Variants in VPS13B observed in about 807,000 individuals in gnomAD.
The protein encoded by VPS13B is vacuolar protein sorting 13 homolog B.
A neutral mutation model predicts 426.4 loss-of-function variants in VPS13B; 285 were observed. The observed-to-expected ratio is 0.67, with a 90% CI of 0.61 to 0.74. The LOEUF is 0.74. Ranked by LOEUF, VPS13B falls within the 30% of genes least tolerant of loss-of-function variation. The pLI is 0.00. For missense variants in VPS13B, 4,537 were observed against 4,782.6 expected, an observed-to-expected ratio of 0.95 and a Z score of 1.51; for synonymous variants, 1,676 against 1,676.4, an observed-to-expected ratio of 1.00 and a Z score of 0.01.
intron 16 of VPS13B, among the ~76,000 whole-genome samples, chr8:99,171,579 C>A (rs1812335264): frequency 6.6e-6 from 1 of 151,848 alleles, no homozygotes; most frequent in Non-Finnish European, 1.5e-5. Flanking sequence ...TGAATACTGT[C>A]AAATGTTACT....
Position 99,501,859 on chromosome 8 carries a change from G to A in VPS13B, c.4042+1G>A. ...CCAGATCCTGAAAATAAAGGCACAG[G>A]TACAGGATTCCTTTTCTTTCTTCCC... On this transcript the variant is annotated splice_donor_variant, in intron 26 of 61. Coordinates refer to ENST00000357162, the MANE Select transcript of VPS13B (RefSeq NM_152564.5). LOFTEE classifies it high-confidence loss of function. 1 of 1,612,612 alleles carries A rather than the reference G, an allele frequency of 6.2e-7. No individual in the cohort carries two copies. The highest frequency in any genetic ancestry group is 8.5e-7 in the Non-Finnish European group (1 of 1,179,700).
At chr8:99,605,072 T>G (rs920000901) in intron 33 of VPS13B, among the ~76,000 whole-genome samples, 2 of 152,244 alleles carry the variant, frequency 1.3e-5, no homozygotes, top group Non-Finnish European at 1.5e-5. Context: ...AGCTTTAGTC[T>G]TTTCATTTGC....
intron 22 of VPS13B, among the ~76,000 whole-genome samples, chr8:99,439,776 G>A (rs1361613112): frequency 6.6e-6 from 1 of 151,924 alleles, no homozygotes; most frequent in Non-Finnish European, 1.5e-5. Context: ...CAGATTAATG[G>A]GTAAATAAAA....
At chr8:99,484,061 A>G (rs1319095995) in intron 25 of VPS13B, among the ~76,000 whole-genome samples, 2 of 152,164 alleles carry the variant, frequency 1.3e-5, no homozygotes, top group African/African-American at 4.8e-5. Flanking sequence ...ATTTGAGATG[A>G]TGGATATTTA....
chr8:99,871,437 C>CT lies in VPS13B; in HGVS notation c.11496-7dup, dbSNP rs1451672589. The CT allele has an allele frequency of 6.8e-6, 11 of 1,613,990 alleles. No homozygotes were observed. The highest frequency in any genetic ancestry group is 1.3e-5 in the African/African-American group (1 of 74,892). ...GCTGGCCCCTGGCCTCACTTTTCTC[C>CT]TTTTAAACAGGAAAATGCTTCAGTC... On this transcript the variant is annotated splice_polypyrimidine_tract_variant and intron_variant, in intron 60 of 61. Coordinates refer to ENST00000357162, the MANE Select transcript of VPS13B (RefSeq NM_152564.5).
At chr8:99,872,844 A>C (rs1372913951) in intron 61 of VPS13B, among the ~76,000 whole-genome samples, 1 of 152,162 alleles carries the variant, frequency 6.6e-6, no homozygotes, top group Non-Finnish European at 1.5e-5. Context: ...TGTTTGGGTA[A>C]AATTATCTGA....
At chr8:99,153,096 G>A (rs373104937) in intron 14 of VPS13B, among the ~76,000 whole-genome samples, 235 of 152,288 alleles carry the variant, frequency 1.5e-3, no homozygotes, top group African/African-American at 5.2e-3. Context: ...CCTGAGCCCT[G>A]GAGGTTGAGG....
At chr8:99,212,674 C>CTTT (rs2132801725) in intron 17 of VPS13B, among the ~76,000 whole-genome samples, 1 of 51,312 alleles carries the variant, frequency 1.9e-5, no homozygotes, top group South Asian at 7.5e-4. Context: ...TCTTCTTCTT[C>CTTT]CTTAGTGCTG....
At chr8:99,763,213 T>A (rs915111823) in intron 39 of VPS13B, among the ~76,000 whole-genome samples, 4 of 151,298 alleles carry the variant, frequency 2.6e-5, no homozygotes, top group Non-Finnish European at 5.9e-5. Flanking sequence ...GAGCTAGGAT[T>A]TGAATCCCGA....
At chr8:99,175,148 A>T (rs1812559765) in intron 16 of VPS13B, among the ~76,000 whole-genome samples, 2 of 152,204 alleles carry the variant, frequency 1.3e-5, no homozygotes, top group Admixed American at 1.3e-4. Context: ...CTCTGAAAAC[A>T]TTCTTCAGTT....
intron 3 of VPS13B, among the ~76,000 whole-genome samples, chr8:99,086,685 C>G (rs537647277): frequency 6.6e-6 from 1 of 152,156 alleles, no homozygotes; most frequent in African/African-American, 2.4e-5. Context: ...ACAGTCAGGA[C>G]CCTCAGCTGC....
At chr8:99,364,529 C>T (rs1274104804) in intron 19 of VPS13B, among the ~76,000 whole-genome samples, 1 of 152,046 alleles carries the variant, frequency 6.6e-6, no homozygotes, top group Non-Finnish European at 1.5e-5. Context: ...ACCTTCCAGG[C>T]TCAAGTGACC....
intron 34 of VPS13B, among the ~76,000 whole-genome samples, chr8:99,655,475 T>C (rs1457710867): frequency 2.0e-5 from 3 of 152,200 alleles, no homozygotes; most frequent in African/African-American, 7.2e-5. Flanking sequence ...CTCTCTTGGC[T>C]GTGGTAGGTG....
chr8:99,072,990 G>T (rs1258225474), intron 3 of VPS13B, among the ~76,000 whole-genome samples: 1 of 152,096 alleles, frequency 6.6e-6, no homozygotes, highest in Non-Finnish European at 1.5e-5. Flanking sequence ...TGCTATTTTG[G>T]TAATGATAGC....
chr8:99,751,951 G>A (rs1223760581), intron 39 of VPS13B, among the ~76,000 whole-genome samples: 1 of 152,120 alleles, frequency 6.6e-6, no homozygotes, highest in Admixed American at 6.5e-5. Flanking sequence ...TGATTTGGAG[G>A]ACCTGAATCT....
At chr8:99,546,757 A>G (rs906837116) in intron 30 of VPS13B, among the ~76,000 whole-genome samples, 2 of 151,510 alleles carry the variant, frequency 1.3e-5, no homozygotes, top group East Asian at 3.8e-4. Flanking sequence ...ATTAAAGAGA[A>G]AAAAATTTAA....
intron 8 of VPS13B, among the ~76,000 whole-genome samples, chr8:99,124,028 A>G (rs1848071667): frequency 6.6e-6 from 1 of 152,192 alleles, no homozygotes; most frequent in Non-Finnish European, 1.5e-5. Context: ...TAGAATAGAA[A>G]AAAGAGGTTC....
chr8:99,028,623 AC>A (rs577730876), intron 2 of VPS13B, among the ~76,000 whole-genome samples: 5 of 79,156 alleles, frequency 6.3e-5, no homozygotes, highest in African/African-American at 1.5e-4. Flanking sequence ...CGGGGGGCTG[AC>A]CCCCCCCACC....
At chr8:99,068,021 G>A (rs990078893) in intron 3 of VPS13B, among the ~76,000 whole-genome samples, 1 of 152,022 alleles carries the variant, frequency 6.6e-6, no homozygotes, top group Non-Finnish European at 1.5e-5. Flanking sequence ...TTTGGAATAT[G>A]CTATTTTATA....
Sources: gnomAD v4.1 joint callset for allele counts (sites outside exome capture counted in the v4.1 genomes callset) on GRCh38, gnomAD v4.1.1 for gene constraint, MANE v1.5 for transcripts, NCBI Gene and HGNC (gene_info 2026-07-23, HGNC 2026-07-21) for gene names.